Variants in FRMD3 observed in about 807,000 individuals in gnomAD.
FRMD3 encodes FERM domain containing 3, also known as FERM domain-containing protein 3.
FRMD3 carries 33 observed loss-of-function variants against 70.2 expected under a neutral mutation model. That is an observed-to-expected ratio of 0.47 (90% CI 0.36 to 0.63). The LOEUF (loss-of-function observed/expected upper bound fraction) is 0.63. Among genes scored for constraint, FRMD3 ranks in the 20% least tolerant of loss-of-function variants. The pLI is 0.00. For missense variants in FRMD3, 632 were observed against 711.4 expected, an observed-to-expected ratio of 0.89 and a Z score of 1.27; for synonymous variants, 279 against 255.9, an observed-to-expected ratio of 1.09 and a Z score of -0.86.
chr9:83,504,600 C>A (rs1829142711), intron 1 of FRMD3, among the ~76,000 whole-genome samples: 1 of 151,912 alleles, frequency 6.6e-6, no homozygotes, highest in Non-Finnish European at 1.5e-5. Context: ...TTTGACTTCC[C>A]CCCCCACCAC....
chr9:83,558,514 T>C, the FRMD3 span, among the ~76,000 whole-genome samples: 13 of 152,254 alleles, frequency 8.5e-5, no homozygotes, highest in Admixed American at 8.5e-4. Flanking sequence ...TTTATTGCTC[T>C]AATGGAGATA....
chr9:83,244,329 C>T (rs1001113422), downstream of FRMD3, among the ~76,000 whole-genome samples: 2 of 74,422 alleles, frequency 2.7e-5, no homozygotes, highest in Non-Finnish European at 8.0e-5. Context: ...GTCAGAATAC[C>T]CCTCTTCTAT....
intron 13 of FRMD3, among the ~76,000 whole-genome samples, chr9:83,255,090 C>T (rs1179666662): frequency 6.6e-5 from 10 of 152,068 alleles, no homozygotes; most frequent in Admixed American, 4.6e-4. Context: ...AAGTAAACTT[C>T]GGGCCAATAT....
chr9:83,473,008 C>A (rs1828307295), intron 1 of FRMD3, among the ~76,000 whole-genome samples: 2 of 152,168 alleles, frequency 1.3e-5, no homozygotes, highest in Non-Finnish European at 2.9e-5. Context: ...GCGAAACCTC[C>A]CAGGCTCCAT....
intron 1 of FRMD3, among the ~76,000 whole-genome samples, chr9:83,502,012 T>C (rs1424797467): frequency 1.3e-5 from 2 of 152,250 alleles, no homozygotes; most frequent in African/African-American, 2.4e-5. Context: ...GCATGAATCA[T>C]TAACTTGTTT....
At chr9:83,288,288 A>T (rs1302161357) in intron 13 of FRMD3, among the ~76,000 whole-genome samples, 2 of 152,210 alleles carry the variant, frequency 1.3e-5, no homozygotes, top group Non-Finnish European at 2.9e-5. Context: ...CATGGAGCAG[A>T]ATTTGACTAG....
At chr9:83,275,820 G>A (rs1441792082) in intron 13 of FRMD3, 5 of 152,332 alleles carry the variant, frequency 3.3e-5, no homozygotes, top group Middle Eastern at 3.4e-3. Flanking sequence ...TTCCATAGCT[G>A]TCCATGGATG....
intron 3 of FRMD3, among the ~76,000 whole-genome samples, chr9:83,367,266 G>T (rs564432847): frequency 6.6e-6 from 1 of 152,048 alleles, no homozygotes; most frequent in Non-Finnish European, 1.5e-5. Context: ...AAATGAGAAG[G>T]GTATTCCCTC....
At chr9:83,567,275 C>A in the FRMD3 span, among the ~76,000 whole-genome samples, 5 of 152,314 alleles carry the variant, frequency 3.3e-5, no homozygotes, top group Admixed American at 1.3e-4. Flanking sequence ...ACACAGGGCA[C>A]CAAGTCCCTA....
intron 6 of FRMD3, 91 bp from the exon 7 acceptor site, chr9:83,313,838 C>A (rs983361364): frequency 4.2e-6 from 4 of 955,802 alleles, no homozygotes; most frequent in Admixed American, 3.9e-5. Flanking sequence ...GTGTTCTAAG[C>A]TAAATAAAGA....
chr9:83,572,780 G>A, the FRMD3 span, among the ~76,000 whole-genome samples: 2 of 152,162 alleles, frequency 1.3e-5, no homozygotes, highest in Non-Finnish European at 2.9e-5. Context: ...CTCAGGGAAA[G>A]GCAATGAAGC....
rs570716229 is a variant in FRMD3, at chr9:83,336,759, C to A, written c.473-1120G>T. ...ACTGAGTTCCCAGACATGATGAGGT[C>A]AGACCTCATTATACCCCCTCCCTCA... On this transcript the variant is annotated intron_variant, in intron 5 of 13. Coordinates refer to ENST00000304195, the MANE Select transcript of FRMD3 (RefSeq NM_174938.6). Among the ~76,000 whole-genome samples the A allele has an allele frequency of 1.0e-4, 15 of 149,340 alleles. 1 individual carries two copies. In the South Asian group the frequency reaches 3.2e-3, roughly 32 times the overall value.
chr9:83,297,216 G>A (rs1403816119), intron 12 of FRMD3, among the ~76,000 whole-genome samples: 1 of 152,196 alleles, frequency 6.6e-6, no homozygotes, highest in East Asian at 1.9e-4. Flanking sequence ...GCTACCAGGA[G>A]AACTCCCTCA....
intron 1 of FRMD3, among the ~76,000 whole-genome samples, chr9:83,504,463 C>T (rs1197530066): frequency 6.6e-6 from 1 of 152,128 alleles, no homozygotes; most frequent in African/African-American, 2.4e-5. Flanking sequence ...TGTCTGCCAC[C>T]CCCTCTCTTG....
chr9:83,296,319 G>T (rs79643461), intron 12 of FRMD3, among the ~76,000 whole-genome samples: 1 of 152,100 alleles, frequency 6.6e-6, no homozygotes, highest in African/African-American at 2.4e-5. Context: ...TGAGGTCCCC[G>T]GGGCAGCACC....
At chr9:83,575,538 G>A in the FRMD3 span, among the ~76,000 whole-genome samples, 1 of 152,248 alleles carries the variant, frequency 6.6e-6, no homozygotes, top group African/African-American at 2.4e-5. Flanking sequence ...AATGTGACTA[G>A]GGAATTCTCC....
chr9:83,304,178 G>T (rs1212064887), intron 10 of FRMD3, among the ~76,000 whole-genome samples: 1 of 152,028 alleles, frequency 6.6e-6, no homozygotes, highest in African/African-American at 2.4e-5. Flanking sequence ...TGGCTATTAC[G>T]ACTAATGCTG....
chr9:83,347,942 C>A (rs926593500), intron 4 of FRMD3, among the ~76,000 whole-genome samples: 4 of 152,268 alleles, frequency 2.6e-5, no homozygotes, highest in Non-Finnish European at 5.9e-5. Flanking sequence ...TTCCACTATT[C>A]ATACCTGAGC....
At chr9:83,558,523 T>C in the FRMD3 span, among the ~76,000 whole-genome samples, 2 of 152,230 alleles carry the variant, frequency 1.3e-5, no homozygotes, top group African/African-American at 4.8e-5. Flanking sequence ...CTAATGGAGA[T>C]ATATGTGGAG....
Sources: gnomAD v4.1 joint callset for allele counts (sites outside exome capture counted in the v4.1 genomes callset) on GRCh38, gnomAD v4.1.1 for gene constraint, MANE v1.5 for transcripts, NCBI Gene and HGNC (gene_info 2026-07-23, HGNC 2026-07-21) for gene names.